RANBP2: variants seen among roughly 807,000 people sequenced by gnomAD.
The protein encoded by RANBP2 is RAN binding protein 2.
A neutral mutation model predicts 303.6 loss-of-function variants in RANBP2; 57 were observed. The observed-to-expected ratio is 0.19, with a 90% CI of 0.15 to 0.23. The LOEUF is 0.23. RANBP2 is among the 10% of genes least tolerant of loss of function. The pLI is 1.00. For missense variants in RANBP2, 3,138 were observed against 3,780.8 expected, an observed-to-expected ratio of 0.83 and a Z score of 4.46; for synonymous variants, 1,167 against 1,301.5, an observed-to-expected ratio of 0.90 and a Z score of 2.23.
the RANBP2 span, among the ~76,000 whole-genome samples, chr2:108,918,758 C>G: frequency 1.3e-5 from 2 of 152,136 alleles, no homozygotes; most frequent in Non-Finnish European, 2.9e-5. Context: ...ATATGGGGGT[C>G]TTTGAGGTCT....
the RANBP2 span, among the ~76,000 whole-genome samples, chr2:108,937,124 G>A: frequency 4.6e-5 from 7 of 152,372 alleles, 1 homozygote; most frequent in African/African-American, 1.7e-4. Context: ...TGAAACAGAA[G>A]TGACTGGCAA....
chr2:108,891,135 A>G, the RANBP2 span, among the ~76,000 whole-genome samples: 6 of 152,144 alleles, frequency 3.9e-5, no homozygotes, highest in Non-Finnish European at 7.4e-5. Flanking sequence ...TTTAAAATCA[A>G]TATTTCAAAT....
At chr2:109,267,984 C>T in the RANBP2 span, among the ~76,000 whole-genome samples, 5 of 151,840 alleles carry the variant, frequency 3.3e-5, no homozygotes, top group African/African-American at 7.2e-5. Flanking sequence ...TGCAGTTGTG[C>T]GGGTGAAACG....
chr2:108,847,315 A>G, the RANBP2 span, among the ~76,000 whole-genome samples: 1 of 152,114 alleles, frequency 6.6e-6, no homozygotes, highest in Admixed American at 6.6e-5. Flanking sequence ...TTCTCCCACA[A>G]CCATGCTCAT....
At chr2:108,756,887 C>T (rs752924804) in intron 17 of RANBP2, among the ~76,000 whole-genome samples, 47 of 152,164 alleles carry the variant, frequency 3.1e-4, no homozygotes, top group Non-Finnish European at 5.7e-4. Context: ...CAACAGTGAC[C>T]ATAAAGTTTT....
chr2:109,307,821 C>A, the RANBP2 span, among the ~76,000 whole-genome samples: 2 of 142,494 alleles, frequency 1.4e-5, no homozygotes, highest in East Asian at 2.0e-4. Flanking sequence ...TCCAGTCTAT[C>A]ATTGTTGGAC....
the RANBP2 span, among the ~76,000 whole-genome samples, chr2:109,399,383 T>C: frequency 6.8e-4 from 103 of 152,326 alleles, no homozygotes; most frequent in African/African-American, 2.4e-3. Context: ...TCAACTACAT[T>C]GTTGAGTACT....
the RANBP2 span, among the ~76,000 whole-genome samples, chr2:109,648,677 G>A: frequency 4.3e-5 from 6 of 138,174 alleles, no homozygotes; most frequent in Admixed American, 2.4e-4. Context: ...TTTCTGAGAC[G>A]GAGTCTTGCT....
At chr2:108,893,782 C>T in the RANBP2 span, among the ~76,000 whole-genome samples, 1 of 152,134 alleles carries the variant, frequency 6.6e-6, no homozygotes, top group Non-Finnish European at 1.5e-5. Context: ...CCTGTCCAAC[C>T]CTGGACTGGC....
chr2:109,083,697 T>A, the RANBP2 span, among the ~76,000 whole-genome samples: 7 of 152,114 alleles, frequency 4.6e-5, no homozygotes, highest in Non-Finnish European at 8.8e-5. Flanking sequence ...CATATGGTGA[T>A]TCTATATTTA....
chr2:109,545,950 A>C, the RANBP2 span: 1 of 1,477,706 alleles, frequency 6.8e-7, no homozygotes, highest in East Asian at 2.3e-5. Flanking sequence ...GAAGGAAGAC[A>C]AAGCATAAGG....
the RANBP2 span, among the ~76,000 whole-genome samples, chr2:109,674,008 T>G: frequency 1.3e-5 from 2 of 152,210 alleles, no homozygotes; most frequent in Non-Finnish European, 2.9e-5. Context: ...AGATACTATC[T>G]GTTTTGTGAA....
At chr2:108,872,126 C>T in the RANBP2 span, among the ~76,000 whole-genome samples, 3 of 152,142 alleles carry the variant, frequency 2.0e-5, no homozygotes, top group Non-Finnish European at 2.9e-5. Context: ...TGCTTTTGTT[C>T]AGAACTTAGT....
the RANBP2 span, among the ~76,000 whole-genome samples, chr2:109,469,555 G>A: frequency 6.6e-6 from 1 of 152,100 alleles, no homozygotes; most frequent in Non-Finnish European, 1.5e-5. Context: ...GAAAATAACA[G>A]TTAATGTGTC....
the RANBP2 span, chr2:109,614,654 C>T: frequency 1.4e-6 from 2 of 1,476,966 alleles, no homozygotes; most frequent in African/African-American, 1.5e-5. Flanking sequence ...CCCGCGCGCA[C>T]TTCAAGGAGC....
the RANBP2 span, among the ~76,000 whole-genome samples, chr2:109,505,298 T>C: frequency 6.6e-6 from 1 of 152,218 alleles, no homozygotes; most frequent in Non-Finnish European, 1.5e-5. Context: ...AGGCTTTCAC[T>C]GTTCTCTTGG....
the RANBP2 span, chr2:109,347,817 A>C: frequency 6.2e-7 from 1 of 1,613,992 alleles, no homozygotes. Flanking sequence ...TGCACGGCAC[A>C]CAGGGCTTCC....
chr2:109,724,577 T>C, the RANBP2 span, among the ~76,000 whole-genome samples: 1 of 152,142 alleles, frequency 6.6e-6, no homozygotes, highest in Non-Finnish European at 1.5e-5. Flanking sequence ...TGGCTGGGTC[T>C]TAGGTGAGTT....
the RANBP2 span, among the ~76,000 whole-genome samples, chr2:109,647,437 C>G: frequency 6.6e-6 from 1 of 151,960 alleles, no homozygotes. Context: ...GCTGGGATTA[C>G]AGGCGTGAGC....
Sources: gnomAD v4.1 joint callset for allele counts (sites outside exome capture counted in the v4.1 genomes callset) on GRCh38, gnomAD v4.1.1 for gene constraint, MANE v1.5 for transcripts, NCBI Gene and HGNC (gene_info 2026-07-23, HGNC 2026-07-21) for gene names.